AOPEP: variants seen among roughly 807,000 people sequenced by gnomAD.
AOPEP encodes aminopeptidase O.
In AOPEP, 77 loss-of-function variants were observed where a neutral mutation model predicts 98.1. The observed-to-expected ratio is 0.78, with a 90% CI of 0.65 to 0.95. The LOEUF (loss-of-function observed/expected upper bound fraction) is 0.95. AOPEP is among the 40% of genes least tolerant of loss of function. The probability of loss-of-function intolerance (pLI) is 0.00; values close to 1 mark genes in which losing one functional copy is unlikely to be tolerated. For missense variants in AOPEP, 1,024 were observed against 1,024.7 expected, an observed-to-expected ratio of 1.00 and a Z score of 0.01; for synonymous variants, 346 against 365.3, an observed-to-expected ratio of 0.95 and a Z score of 0.60.
intron 1 of AOPEP, among the ~76,000 whole-genome samples, chr9:94,744,701 C>CAAAAAAAAAAA (rs757571360): frequency 1.1e-4 from 6 of 55,996 alleles, no homozygotes; most frequent in Non-Finnish European, 1.6e-4. Flanking sequence ...GACTCTGTCT[C>CAAAAAAAAAAA]AAAAAAAAAA....
In AOPEP at chr9:95,041,644, TAATTA is replaced by T. The variant is rs2065325348; in HGVS notation, c.2116-19047_2116-19043del. Among the ~76,000 whole-genome samples the T allele has an allele frequency of 2.0e-5, 3 of 152,272 alleles. No homozygotes were observed. In the South Asian group the frequency reaches 6.2e-4, roughly 32 times the overall value. On this transcript the variant is annotated intron_variant, in intron 13 of 16. Transcript: ENST00000375315. ...CTTGAATATTTCTTACCGGCTGTAA[TAATTA>T]AAGCCATGAAAAAGGTGGTGGGGTT... is the stretch of plus-strand genomic sequence containing the variant.
In AOPEP at chr9:94,799,172, GA is replaced by G. The variant is rs1039876334; in HGVS notation, c.1119-1584del. Among the ~76,000 whole-genome samples the G allele has an allele frequency of 8.5e-5, 13 of 152,170 alleles. 1 individual carries two copies. Among genetic ancestry groups the G allele is most frequent in the African/African-American group, 3.1e-4 (13 of 41,434 alleles). Reference sequence around the variant, plus strand: ...AAGTGAAAGGTACTTCTTACATTTGGAGAGGAATTATTGTTGCATTCTGCCC... The same window carrying G: ...AAGTGAAAGGTACTTCTTACATTTGGGAGGAATTATTGTTGCATTCTGCCC... On this transcript the variant is annotated intron_variant, in intron 4 of 16. Coordinates refer to ENST00000375315, the MANE Select transcript of AOPEP (RefSeq NM_001193329.3).
At chr9:95,115,866 G>A in the AOPEP span, among the ~76,000 whole-genome samples, 12 of 152,256 alleles carry the variant, frequency 7.9e-5, no homozygotes, top group South Asian at 6.2e-4. Flanking sequence ...GTCAGGGCTC[G>A]TAAGTGATCC....
the AOPEP span, among the ~76,000 whole-genome samples, chr9:95,148,336 A>T: frequency 6.6e-6 from 1 of 152,326 alleles, no homozygotes; most frequent in South Asian, 2.1e-4. Context: ...CAGTGGGCTC[A>T]CTTGACCACT....
intron 11 of AOPEP, among the ~76,000 whole-genome samples, chr9:95,001,701 A>G (rs1390678328): frequency 6.6e-6 from 1 of 152,240 alleles, no homozygotes; most frequent in African/African-American, 2.4e-5. Context: ...ACCATGCTGG[A>G]ATATAATTTT....
intron 13 of AOPEP, among the ~76,000 whole-genome samples, chr9:95,012,581 A>AT (rs1280730260): frequency 6.6e-6 from 1 of 151,952 alleles, no homozygotes; most frequent in Non-Finnish European, 1.5e-5. Flanking sequence ...AATAAGGTGC[A>AT]TTTTTTTCTG....
chr9:94,813,881 C>G (rs1309967090), intron 5 of AOPEP, among the ~76,000 whole-genome samples: 1 of 152,194 alleles, frequency 6.6e-6, no homozygotes, highest in Non-Finnish European at 1.5e-5. Flanking sequence ...GACCTCCACC[C>G]TGGCTGTGTT....
the AOPEP span, among the ~76,000 whole-genome samples, chr9:95,095,627 G>T: frequency 1.3e-5 from 2 of 152,164 alleles, no homozygotes; most frequent in Non-Finnish European, 1.5e-5. Flanking sequence ...TTGCTTTTGC[G>T]TTGGGCATGG....
chr9:95,101,791 G>A, the AOPEP span: 4 of 1,614,022 alleles, frequency 2.5e-6, no homozygotes, highest in African/African-American at 4.0e-5. Flanking sequence ...GATTCCATCT[G>A]TACAAGGTCT....
intron 8 of AOPEP, 28 bp from the exon 9 acceptor site, chr9:94,955,880 T>G: frequency 6.5e-7 from 1 of 1,527,072 alleles, no homozygotes; most frequent in Non-Finnish European, 9.0e-7. Flanking sequence ...GTAGGCCTCT[T>G]TTTCTCTCTC....
intron 13 of AOPEP, among the ~76,000 whole-genome samples, chr9:95,011,662 A>G (rs2062534977): frequency 6.6e-6 from 1 of 152,084 alleles, no homozygotes; most frequent in African/African-American, 2.4e-5. Context: ...TAAAGGAAGT[A>G]AAAATTAGGT....
intron 5 of AOPEP, among the ~76,000 whole-genome samples, chr9:94,806,817 A>G (rs1043296345): frequency 1.3e-5 from 2 of 152,188 alleles, no homozygotes; most frequent in African/African-American, 4.8e-5. Flanking sequence ...GTACTAAGCA[A>G]GGTAGGTAGT....
chr9:95,079,136 G>A (rs1244339382), intron 14 of AOPEP, among the ~76,000 whole-genome samples: 2 of 152,224 alleles, frequency 1.3e-5, no homozygotes, highest in Non-Finnish European at 2.9e-5. Flanking sequence ...GCCCAGGGCC[G>A]CCCAGTGGAA....
the AOPEP span, chr9:95,101,870 G>A: frequency 1.9e-6 from 3 of 1,613,646 alleles, no homozygotes; most frequent in Non-Finnish European, 1.7e-6. Flanking sequence ...GGACAGAAGA[G>A]AAGGCAAATT....
At chr9:95,060,617 T>C in intron 13 of AOPEP, 77 bp from the exon 14 acceptor site, 1 of 942,306 alleles carries the variant, frequency 1.1e-6, no homozygotes, top group East Asian at 2.4e-5. Context: ...GGGTATGTGG[T>C]CTTCAGTCTG....
At chr9:94,826,315 T>C (rs1379137352) in intron 5 of AOPEP, among the ~76,000 whole-genome samples, 1 of 152,190 alleles carries the variant, frequency 6.6e-6, no homozygotes, top group Non-Finnish European at 1.5e-5. Context: ...CGTGAGGCCA[T>C]GGCCACTCTC....
At chr9:94,943,920 A>AG (rs2057314117) in intron 7 of AOPEP, among the ~76,000 whole-genome samples, 3 of 100,848 alleles carry the variant, frequency 3.0e-5, no homozygotes, top group Non-Finnish European at 1.9e-5. Flanking sequence ...ACTCCATCTC[A>AG]AAAAAAAAAA....
chr9:94,941,970 T>G (rs529264370), intron 7 of AOPEP, among the ~76,000 whole-genome samples: 1 of 152,354 alleles, frequency 6.6e-6, no homozygotes, highest in South Asian at 2.1e-4. Context: ...CTGTAGTCCC[T>G]TACCCAAAGA....
chr9:95,034,983 T>C (rs1211917795), intron 13 of AOPEP, among the ~76,000 whole-genome samples: 1 of 151,826 alleles, frequency 6.6e-6, no homozygotes, highest in African/African-American at 2.4e-5. Context: ...TTTTTTCTTT[T>C]TTTTTTTTTT....
Sources: gnomAD v4.1 joint callset for allele counts (sites outside exome capture counted in the v4.1 genomes callset) on GRCh38, gnomAD v4.1.1 for gene constraint, MANE v1.5 for transcripts, NCBI Gene and HGNC (gene_info 2026-07-23, HGNC 2026-07-21) for gene names.